Variants in LY9 observed in about 807,000 individuals in gnomAD.
LY9 encodes T-lymphocyte surface antigen Ly-9.
In LY9, 59 loss-of-function variants were observed where a neutral mutation model predicts 64.6. The ratio of observed to expected loss-of-function variants is 0.91; its 90% CI spans 0.74 to 1.13. The LOEUF (loss-of-function observed/expected upper bound fraction) is 1.13. Ranked by LOEUF, LY9 falls within the 50% of genes most tolerant of loss-of-function variation. LY9 has a pLI of 0.00. For missense variants in LY9, 789 were observed against 797.2 expected (o/e 0.99, Z 0.12); for synonymous variants, 281 against 308.5 (o/e 0.91, Z 0.93).
chr1:160,797,115 A>C (rs914249887), intron 1 of LY9: 47 of 985,208 alleles, frequency 4.8e-5, no homozygotes, highest in Non-Finnish European at 5.7e-5. Context: ...TCAAGGCCCA[A>C]CTCCTGGGAA....
At chr1:160,808,597 A>G (rs1667201237) in intron 2 of LY9, among the ~76,000 whole-genome samples, 1 of 152,240 alleles carries the variant, frequency 6.6e-6, no homozygotes, top group Admixed American at 6.5e-5. Context: ...GCTCACCTCT[A>G]TTGGGAAATC....
intron 7 of LY9, among the ~76,000 whole-genome samples, chr1:160,822,407 G>A (rs193256633): frequency 5.3e-5 from 8 of 152,256 alleles, no homozygotes; most frequent in African/African-American, 1.9e-4. Flanking sequence ...TTATGCAAAT[G>A]GATTTTCCAG....
rs776053274 is a variant in LY9 at position 160,823,677 on chromosome 1, G to A, written c.1711G>A (p.Ala571Thr). 1.4e-5 allele frequency: 22 copies of A among 1,613,876 alleles called. No individual in the cohort carries two copies. The Admixed American group carries it at 1.8e-4, about 13-fold the overall frequency. ...ATTTGACCAGGTCACTCAGGAGGGCGCTGGACATGACCCAGCCCCTGAGGG... is the reference window on the plus strand; with the variant it reads ...ATTTGACCAGGTCACTCAGGAGGGCACTGGACATGACCCAGCCCCTGAGGG... ...EVFDQVTQEG[A>T]GHDPAPEGQA... Residue 571 changes from alanine (A) to threonine (T), a missense_variant, in exon 8 of 10, where the codon GCT (alanine) becomes ACT (threonine). By Grantham distance (58) the Ala-to-Thr change is moderately conservative. Coordinates refer to ENST00000263285, the MANE Select transcript of LY9 (RefSeq NM_002348.4).
rs559999409 is a variant in LY9 at position 160,813,862 on chromosome 1, C to T, written c.681C>T (p.Pro227=). The T allele has an allele frequency of 4.2e-5, 67 of 1,614,176 alleles. 1 individual carries two copies. Among genetic ancestry groups the T allele is most frequent in the South Asian group, 1.1e-4 (10 of 91,086 alleles). Residue 227 remains proline (P), a synonymous_variant, in exon 3 of 10, where the codon CCC becomes CCT. Coordinates refer to ENST00000263285, the MANE Select transcript of LY9 (RefSeq NM_002348.4). ...CATACATCTGCACAGCCCAGAACCCCGTCAGCCAGAGAAGCTCCCTCCCTG... is the reference window on the plus strand; with the variant it reads ...CATACATCTGCACAGCCCAGAACCCTGTCAGCCAGAGAAGCTCCCTCCCTG... ...DLPYICTAQN[P]VSQRSSLPVH...
chr1:160,808,532 A>T (rs1478893313), intron 2 of LY9, among the ~76,000 whole-genome samples: 2 of 152,220 alleles, frequency 1.3e-5, no homozygotes, highest in Non-Finnish European at 2.9e-5. Context: ...AAGGGGTCTC[A>T]TGTGGCCAGG....
At chr1:160,813,320 A>G (rs1667665182) in intron 2 of LY9, 1 of 364,678 alleles carries the variant, frequency 2.7e-6, no homozygotes, top group East Asian at 5.1e-5. Context: ...AGTGTTTTTC[A>G]TAAGGCAGGC....
At chr1:160,820,434 A>T (rs1013408285) in intron 7 of LY9, among the ~76,000 whole-genome samples, 11 of 152,060 alleles carry the variant, frequency 7.2e-5, no homozygotes, top group Non-Finnish European at 1.2e-4. Context: ...AATAAATAAA[A>T]AATAAAACTA....
Position 160,826,576 on chromosome 1 carries a change from T to C in LY9, c.1900-1172T>C, listed in dbSNP as rs1668864391. On this transcript the variant is annotated intron_variant, in intron 9 of 9. Transcript: ENST00000263285. Reference sequence around the variant, plus strand: ...GGGTTAAAGTTACTTGACTACTTAATAAATTGTATGCACAGTTCCTAAGGG... The same window carrying C: ...GGGTTAAAGTTACTTGACTACTTAACAAATTGTATGCACAGTTCCTAAGGG... Among the ~76,000 whole-genome samples, 3 of 152,350 alleles carry C rather than the reference T, an allele frequency of 2.0e-5. No homozygotes were observed. In the South Asian group the frequency reaches 6.2e-4, roughly 32 times the overall value.
intron 2 of LY9, among the ~76,000 whole-genome samples, chr1:160,804,390 T>C (rs1387492509): frequency 1.3e-5 from 2 of 152,256 alleles, no homozygotes; most frequent in East Asian, 3.8e-4. Context: ...ATGTATCACA[T>C]TTATTGATTT....
intron 9 of LY9, among the ~76,000 whole-genome samples, chr1:160,827,392 A>G (rs1301001604): frequency 1.3e-5 from 2 of 152,140 alleles, no homozygotes; most frequent in Admixed American, 1.3e-4. Context: ...TGCCATCTAA[A>G]TTATCTTCTT....
intron 2 of LY9, 183 bp from the exon 3 acceptor site, chr1:160,813,453 C>T (rs41266931): frequency 9.9e-6 from 6 of 606,986 alleles, no homozygotes; most frequent in African/African-American, 5.6e-5. Flanking sequence ...ACACCTGTAG[C>T]GGATGTTATG....
intron 1 of LY9, among the ~76,000 whole-genome samples, chr1:160,798,313 G>T (rs536205083): frequency 6.6e-6 from 1 of 152,234 alleles, no homozygotes; most frequent in East Asian, 1.9e-4. Flanking sequence ...ATGGACATAG[G>T]ATCTGGACTC....
At chr1:160,801,849 G>A (rs757828351) in intron 2 of LY9, 1 of 1,614,170 alleles carries the variant, frequency 6.2e-7, no homozygotes, top group Non-Finnish European at 8.5e-7. Flanking sequence ...CACACTCCTG[G>A]AGGGCAGCGG....
chr1:160,822,083 T>C (rs1370493791), intron 7 of LY9, among the ~76,000 whole-genome samples: 1 of 152,182 alleles, frequency 6.6e-6, no homozygotes, highest in Admixed American at 6.5e-5. Context: ...TCAGGTCAAA[T>C]TGAAGGGGCT....
At chr1:160,800,573 G>T (rs991127206) in intron 2 of LY9, among the ~76,000 whole-genome samples, 3 of 151,772 alleles carry the variant, frequency 2.0e-5, no homozygotes, top group Non-Finnish European at 4.4e-5. Flanking sequence ...TATATTTAGG[G>T]GGTACAAGTG....
intron 9 of LY9, among the ~76,000 whole-genome samples, chr1:160,826,552 G>A (rs1253427877): frequency 6.6e-6 from 1 of 152,212 alleles, no homozygotes; most frequent in Admixed American, 6.5e-5. Flanking sequence ...TGCGTAAATG[G>A]GTTAAAGTTA....
chr1:160,807,555 C>T (rs1667094561), intron 2 of LY9, among the ~76,000 whole-genome samples: 1 of 152,140 alleles, frequency 6.6e-6, no homozygotes, highest in African/African-American at 2.4e-5. Context: ...TGCTCAGATA[C>T]CGATAATGGC....
intron 5 of LY9, among the ~76,000 whole-genome samples, chr1:160,817,902 C>T (rs780348517): frequency 7.2e-5 from 11 of 152,042 alleles, no homozygotes; most frequent in Admixed American, 1.3e-4. Context: ...TCATTTACAG[C>T]GGGGCAGTGT....
intron 2 of LY9, chr1:160,802,034 C>G: frequency 6.9e-7 from 1 of 1,450,926 alleles, no homozygotes; most frequent in South Asian, 1.4e-5. Context: ...CACTGCCCCC[C>G]GAGGCTGCTA....
Sources: gnomAD v4.1 joint callset for allele counts (sites outside exome capture counted in the v4.1 genomes callset) on GRCh38, gnomAD v4.1.1 for gene constraint, MANE v1.5 for transcripts, NCBI Gene and HGNC (gene_info 2026-07-23, HGNC 2026-07-21) for gene names.